TAOK1: variants seen among roughly 807,000 people sequenced by gnomAD.
TAOK1 encodes the protein TAO kinase 1, also known as serine/threonine-protein kinase TAO1.
Under a neutral mutation model 138.3 loss-of-function variants are expected in TAOK1, and 21 were observed. The observed-to-expected ratio is 0.15, with a 90% CI of 0.11 to 0.22. The LOEUF (loss-of-function observed/expected upper bound fraction) is 0.22, where lower values mean the gene tolerates loss of function less well. TAOK1 is among the 10% of genes least tolerant of loss of function. TAOK1 has a pLI of 1.00. For missense variants in TAOK1, 651 were observed against 1,227.7 expected (o/e 0.53, Z 7.02); for synonymous variants, 361 against 398.4 (o/e 0.91, Z 1.12).
intron 1 of TAOK1, among the ~76,000 whole-genome samples, chr17:29,425,488 G>A (rs1905606716): frequency 6.6e-6 from 1 of 152,180 alleles, no homozygotes; most frequent in South Asian, 2.1e-4. Context: ...AGACCAGCCT[G>A]GGCAGCATGG....
At chr17:29,431,303 A>G (rs1905821064) in intron 1 of TAOK1, among the ~76,000 whole-genome samples, 1 of 152,102 alleles carries the variant, frequency 6.6e-6, no homozygotes, top group Admixed American at 6.6e-5. Context: ...TTAGTTGAGC[A>G]TGGTGGTGTG....
rs1318627484 is a variant in TAOK1 at position 29,471,918 on chromosome 17, C to G, written c.205-3752C>G. On this transcript the variant is annotated intron_variant, in intron 3 of 19. Coordinates refer to ENST00000261716, the MANE Select transcript of TAOK1 (RefSeq NM_020791.4). ...TAATATTCAGAAATTACTTTCTTTG[C>G]CCATCTATTACAAATAGTTTCTCAT... Among the ~76,000 whole-genome samples the G allele has an allele frequency of 2.0e-5, 3 of 152,302 alleles. No individual in the cohort carries two copies. In the East Asian group the frequency reaches 5.8e-4, roughly 29 times the overall value.
chr17:29,429,118 GGTGGGTATTCTTATGGAA>G (rs1905744543), intron 1 of TAOK1, among the ~76,000 whole-genome samples: 1 of 151,996 alleles, frequency 6.6e-6, no homozygotes. Flanking sequence ...TGCCTTTCTA[GGTGGGTATTCTTATGGAA>G]GCAGATGGGA....
chr17:29,392,345 G>T (rs1339091690), intron 1 of TAOK1, among the ~76,000 whole-genome samples: 4 of 152,002 alleles, frequency 2.6e-5, no homozygotes, highest in Non-Finnish European at 5.9e-5. Context: ...TTTTTAAAAT[G>T]GTAAGGTTAC....
At chr17:29,449,094 A>G (rs938071821) in intron 1 of TAOK1, among the ~76,000 whole-genome samples, 3 of 152,212 alleles carry the variant, frequency 2.0e-5, no homozygotes, top group Non-Finnish European at 2.9e-5. Flanking sequence ...TTTAATGTAA[A>G]ATAATTCTTG....
rs538706573 is a variant in TAOK1 at position 29,425,591 on chromosome 17, A to C, written c.-94-25864A>C. ...CTACTCGGGAGGCTGAGGTAGGAGG[A>C]TGGCTTGAGCCTGGGAGAGCTGAGA... On this transcript the variant is annotated intron_variant, in intron 1 of 19. Coordinates refer to ENST00000261716, the MANE Select transcript of TAOK1 (RefSeq NM_020791.4). 2.4e-3 allele frequency among the ~76,000 whole-genome samples: 369 copies of C among 152,144 alleles called. 3 individuals are homozygous for C. Among genetic ancestry groups the C allele is most frequent in the African/African-American group, 8.0e-3 (331 of 41,546 alleles).
intron 2 of TAOK1, among the ~76,000 whole-genome samples, chr17:29,461,552 C>T (rs2030532076): frequency 6.6e-6 from 1 of 152,100 alleles, no homozygotes; most frequent in East Asian, 1.9e-4. Context: ...AAACTAAGGA[C>T]AGTTTTAACA....
chr17:29,495,872 G>T, intron 11 of TAOK1, 145 bp downstream of exon 11: 1 of 697,276 alleles, frequency 1.4e-6, no homozygotes, highest in Non-Finnish European at 2.1e-6. Context: ...ATCCCAGTTA[G>T]GAATAAAAAA....
At chr17:29,428,634 T>C (rs1006821363) in intron 1 of TAOK1, among the ~76,000 whole-genome samples, 6 of 152,024 alleles carry the variant, frequency 3.9e-5, no homozygotes, top group African/African-American at 1.4e-4. Context: ...GTGAGAGTTA[T>C]ATATATATTT....
At chr17:29,478,170 T>C (rs896496546) in intron 5 of TAOK1, 81 bp from the exon 6 acceptor site, 1 of 966,096 alleles carries the variant, frequency 1.0e-6, no homozygotes, top group African/African-American at 1.7e-5. Context: ...TATCAGTTTT[T>C]AAAAATTGCC....
chr17:29,478,570 A>T (rs2030993579), intron 6 of TAOK1, among the ~76,000 whole-genome samples: 1 of 152,196 alleles, frequency 6.6e-6, no homozygotes, highest in African/African-American at 2.4e-5. Flanking sequence ...CCTTGTAAAA[A>T]TATGTATACT....
chr17:29,410,780 C>T (rs764268052), intron 1 of TAOK1, among the ~76,000 whole-genome samples: 13 of 150,984 alleles, frequency 8.6e-5, no homozygotes, highest in South Asian at 2.1e-4. Flanking sequence ...GAATTACAGG[C>T]GCCCACCACC....
intron 1 of TAOK1, among the ~76,000 whole-genome samples, chr17:29,423,405 G>T (rs1205724121): frequency 6.6e-6 from 1 of 151,506 alleles, no homozygotes; most frequent in Non-Finnish European, 1.5e-5. Flanking sequence ...TTTTAGTAGA[G>T]ACGGGGTTTC....
At chr17:29,497,213 A>G (rs914829399) in intron 11 of TAOK1, among the ~76,000 whole-genome samples, 1 of 151,926 alleles carries the variant, frequency 6.6e-6, no homozygotes, top group Non-Finnish European at 1.5e-5. Context: ...ACCACTTTGT[A>G]TTCTGAAACC....
At chr17:29,412,121 C>T (rs560019495) in intron 1 of TAOK1, among the ~76,000 whole-genome samples, 5 of 152,020 alleles carry the variant, frequency 3.3e-5, no homozygotes, top group Non-Finnish European at 7.4e-5. Context: ...CAGCTCACTG[C>T]AACCTCCATC....
At chr17:29,524,195 T>A (rs754798348) in intron 17 of TAOK1, among the ~76,000 whole-genome samples, 3 of 152,216 alleles carry the variant, frequency 2.0e-5, no homozygotes, top group Admixed American at 6.5e-5. Context: ...AGAATTATAA[T>A]GATTTTTTAG....
At chr17:29,427,862 G>T (rs1340588757) in intron 1 of TAOK1, among the ~76,000 whole-genome samples, 1 of 150,408 alleles carries the variant, frequency 6.6e-6, no homozygotes, top group Non-Finnish European at 1.5e-5. Flanking sequence ...GGGGGCGGAG[G>T]TTGCAGTGAG....
At chr17:29,398,515 TTCTTTTCTTTTC>T (rs998809451) in intron 1 of TAOK1, among the ~76,000 whole-genome samples, 31 of 150,230 alleles carry the variant, frequency 2.1e-4, no homozygotes, top group African/African-American at 7.3e-4. Context: ...TTCTTTTCTT[TTCTTTTCTTTTC>T]TCTTTTCTTT....
chr17:29,461,398 T>C (rs1271565237), intron 2 of TAOK1, among the ~76,000 whole-genome samples: 1 of 152,100 alleles, frequency 6.6e-6, no homozygotes, highest in Non-Finnish European at 1.5e-5. Context: ...AATTATAAAA[T>C]AATGATAACA....
Sources: gnomAD v4.1 joint callset for allele counts (sites outside exome capture counted in the v4.1 genomes callset) on GRCh38, gnomAD v4.1.1 for gene constraint, MANE v1.5 for transcripts, NCBI Gene and HGNC (gene_info 2026-07-23, HGNC 2026-07-21) for gene names.